KLF17: variants seen among roughly 807,000 people sequenced by gnomAD.
KLF17 encodes the protein Krueppel-like factor 17.
KLF17 carries 31 observed loss-of-function variants against 34.2 expected under a neutral mutation model. The ratio of observed to expected loss-of-function variants is 0.91; its 90% CI spans 0.68 to 1.22. The LOEUF (loss-of-function observed/expected upper bound fraction) is 1.22, where lower values mean the gene tolerates loss of function less well. Ranked by LOEUF, KLF17 falls within the 50% of genes most tolerant of loss-of-function variation. The pLI, the probability that KLF17 is intolerant of heterozygous loss-of-function variation, is 0.00. For synonymous variants in KLF17, 179 were observed against 186.7 expected (o/e 0.96, Z 0.34); for missense variants, 478 against 505.2 (o/e 0.95, Z 0.52).
intron 1 of KLF17, among the ~76,000 whole-genome samples, chr1:44,120,640 C>T (rs2154311373): frequency 6.6e-6 from 1 of 152,178 alleles, no homozygotes; most frequent in South Asian, 2.1e-4. Flanking sequence ...ACTCATAAGG[C>T]AAAGTAGTGG....
chr1:44,096,086 C>T, the KLF17 span, among the ~76,000 whole-genome samples: 9 of 152,028 alleles, frequency 5.9e-5, no homozygotes, highest in South Asian at 1.5e-3. Context: ...GGACTACAGG[C>T]GTGTGTCACC....
At chr1:44,122,185 G>T (rs1015242735) in intron 1 of KLF17, 2 of 1,595,278 alleles carry the variant, frequency 1.3e-6, no homozygotes, top group East Asian at 2.2e-5. Context: ...CCTCTGCCAC[G>T]GCCACGTCCT....
At chr1:44,071,143 T>A in the KLF17 span, among the ~76,000 whole-genome samples, 3 of 152,142 alleles carry the variant, frequency 2.0e-5, no homozygotes, top group Non-Finnish European at 4.4e-5. Flanking sequence ...TGTTTCATGC[T>A]CAGCTGTGAC....
the KLF17 span, among the ~76,000 whole-genome samples, chr1:44,068,022 CT>C: frequency 4.0e-5 from 6 of 151,374 alleles, no homozygotes; most frequent in East Asian, 1.9e-4. Flanking sequence ...TTCCTCAGCA[CT>C]TTTTTTTTCT....
At chr1:44,106,266 C>T in the KLF17 span, among the ~76,000 whole-genome samples, 2 of 152,202 alleles carry the variant, frequency 1.3e-5, no homozygotes, top group Non-Finnish European at 2.9e-5. Flanking sequence ...CCACTTATCT[C>T]CTCTGTCCCT....
chr1:44,107,817 TCTTA>T, the KLF17 span, among the ~76,000 whole-genome samples: 1 of 152,234 alleles, frequency 6.6e-6, no homozygotes, highest in African/African-American at 2.4e-5. Context: ...ACTGTTAAAC[TCTTA>T]CTGTGTGTAA....
the KLF17 span, among the ~76,000 whole-genome samples, chr1:44,070,952 A>G: frequency 6.6e-6 from 1 of 152,172 alleles, no homozygotes; most frequent in African/African-American, 2.4e-5. Context: ...AAAAAAACTC[A>G]CTTTGTATTA....
At chr1:44,080,653 A>G in the KLF17 span, among the ~76,000 whole-genome samples, 1 of 149,870 alleles carries the variant, frequency 6.7e-6, no homozygotes, top group South Asian at 2.1e-4. Flanking sequence ...AATCCTTTTT[A>G]TCTGCCTTTA....
intron 1 of KLF17, among the ~76,000 whole-genome samples, chr1:44,119,528 A>T (rs1283297756): frequency 6.6e-6 from 1 of 152,186 alleles, no homozygotes; most frequent in Non-Finnish European, 1.5e-5. Flanking sequence ...GTATGAATAA[A>T]TCGTTAACTG....
the KLF17 span, among the ~76,000 whole-genome samples, chr1:44,071,511 G>A: frequency 3.3e-5 from 5 of 152,056 alleles, no homozygotes; most frequent in Non-Finnish European, 7.3e-5. Context: ...TCAGTGAGAA[G>A]CATCTTCATC....
chr1:44,063,112 T>C, the KLF17 span, among the ~76,000 whole-genome samples: 5 of 152,162 alleles, frequency 3.3e-5, no homozygotes, highest in Admixed American at 2.0e-4. Flanking sequence ...ATAATTTTGA[T>C]TGAAAGAAAA....
At chr1:44,125,423 T>C (rs1032102282) in intron 1 of KLF17, among the ~76,000 whole-genome samples, 1 of 152,228 alleles carries the variant, frequency 6.6e-6, no homozygotes, top group African/African-American at 2.4e-5. Flanking sequence ...CTATAAGCGA[T>C]GAGTCACTTC....
At chr1:44,068,283 G>A in the KLF17 span, among the ~76,000 whole-genome samples, 1 of 152,170 alleles carries the variant, frequency 6.6e-6, no homozygotes, top group East Asian at 1.9e-4. Context: ...CTCTCAAAGT[G>A]CTGGGATTAC....
chr1:44,075,471 C>G, the KLF17 span, among the ~76,000 whole-genome samples: 1 of 152,070 alleles, frequency 6.6e-6, no homozygotes, highest in Non-Finnish European at 1.5e-5. Flanking sequence ...TTATTTGAAC[C>G]AGGTATTCAA....
the KLF17 span, among the ~76,000 whole-genome samples, chr1:44,096,628 G>A: frequency 2.0e-5 from 3 of 151,842 alleles, no homozygotes; most frequent in Non-Finnish European, 2.9e-5. Flanking sequence ...TCTCGATCTC[G>A]TGACCTTGTG....
chr1:44,080,902 A>T, the KLF17 span, among the ~76,000 whole-genome samples: 1 of 151,650 alleles, frequency 6.6e-6, no homozygotes, highest in Non-Finnish European at 1.5e-5. Flanking sequence ...TTTTGTAGGG[A>T]TGGAGTTTTA....
At chr1:44,128,067 A>G (rs1032769276) in intron 1 of KLF17, among the ~76,000 whole-genome samples, 1 of 151,948 alleles carries the variant, frequency 6.6e-6, no homozygotes, top group Admixed American at 6.6e-5. Flanking sequence ...TTCTATTGCT[A>G]CAGTAATGGA....
chr1:44,126,402 G>A (rs1028702641), intron 1 of KLF17, among the ~76,000 whole-genome samples: 26 of 152,146 alleles, frequency 1.7e-4, no homozygotes, highest in African/African-American at 3.1e-4. Flanking sequence ...GGTGTGTATC[G>A]GTAGCTACTA....
At chr1:44,117,571 C>T (rs2087895176), upstream of KLF17, among the ~76,000 whole-genome samples, 1 of 151,770 alleles carries the variant, frequency 6.6e-6, no homozygotes, top group Non-Finnish European at 1.5e-5. Flanking sequence ...TCTCGACACA[C>T]TGGAACCTCC....
Sources: allele counts gnomAD v4.1 joint callset (sites outside exome capture counted in the v4.1 genomes callset), GRCh38; gene constraint gnomAD v4.1.1; transcripts MANE v1.5; gene names NCBI Gene and HGNC (gene_info 2026-07-23, HGNC 2026-07-21).